OR1L8: variants seen among roughly 807,000 people sequenced by gnomAD.
OR1L8 encodes olfactory receptor family 1 subfamily L member 8.
For missense variants in OR1L8, 330 were observed against 377.4 expected (o/e 0.87, Z 1.04); for synonymous variants, 148 against 147.0 (o/e 1.01, Z -0.05).
chr9:122,572,428 G>C (rs79171347), intron 4 of OR1L8, among the ~76,000 whole-genome samples: 3,457 of 152,298 alleles, frequency 0.023, 129 homozygotes, highest in African/African-American at 0.078. Context: ...GGATGCTCCA[G>C]ACTGTAGACA....
chr9:122,582,981 G>A (rs979600553), intron 1 of OR1L8, among the ~76,000 whole-genome samples: 1 of 151,870 alleles, frequency 6.6e-6, no homozygotes, highest in African/African-American at 2.4e-5. Flanking sequence ...TTATAGCAGA[G>A]AGAGAATATA....
the OR1L8 span, among the ~76,000 whole-genome samples, chr9:122,556,282 C>CTT: frequency 0.24 from 34,035 of 144,240 alleles, 4,382 homozygotes; most frequent in Middle Eastern, 0.35. Context: ...TGTCTAGATT[C>CTT]TTTTTTTTTT....
Position 122,567,555 on chromosome 9 carries a change from C to T in OR1L8, c.923G>A (p.Arg308Lys), listed in dbSNP as rs1382954887. The T allele has an allele frequency of 6.4e-7, 1 of 1,573,708 alleles. No individual in the cohort carries two copies. The highest frequency in any genetic ancestry group is 1.4e-5 in the African/African-American group (1 of 73,080). The stretch of plus-strand genomic sequence containing the variant: ...TTTTCAAGAGGGTGCTTCCTAGGAT[C>T]TCTTGCTCATAAGCTTCCTCAGGCC... ...KQGLRKLMSK[R>K]S is the part of the protein sequence containing the mutation. Residue 308 changes from arginine to lysine, a missense_variant, in exon 5 of 5, where the codon AGA (arginine) becomes AAA (lysine). By Grantham distance (26) the Arg-to-Lys change is conservative (BLOSUM62 2). Transcript: ENST00000641027.
At chr9:122,552,584 C>T in the OR1L8 span, among the ~76,000 whole-genome samples, 10 of 152,016 alleles carry the variant, frequency 6.6e-5, no homozygotes, top group African/African-American at 9.7e-5. Context: ...GGGAGTACGA[C>T]ACCAGACACC....
chr9:122,553,879 G>T, the OR1L8 span: 1 of 1,613,814 alleles, frequency 6.2e-7, no homozygotes, highest in African/African-American at 1.3e-5. Flanking sequence ...TCCTATGTCC[G>T]CATTTTCTGG....
chr9:122,557,143 GATTTTCTGT>G, the OR1L8 span, among the ~76,000 whole-genome samples: 3 of 151,874 alleles, frequency 2.0e-5, no homozygotes, highest in African/African-American at 7.3e-5. Context: ...GGATATTTTG[GATTTTCTGT>G]AAAAATCATG....
chr9:122,579,640 G>C (rs1829714207), intron 1 of OR1L8, among the ~76,000 whole-genome samples: 1 of 152,178 alleles, frequency 6.6e-6, no homozygotes, highest in South Asian at 2.1e-4. Context: ...GTTTACATTT[G>C]AGACTGAAGG....
downstream of OR1L8, among the ~76,000 whole-genome samples, chr9:122,564,952 A>G (rs916262751): frequency 1.4e-4 from 20 of 140,822 alleles, no homozygotes; most frequent in Middle Eastern, 3.8e-3. Flanking sequence ...CATTGTGCCA[A>G]TTAGACCTAG....
the OR1L8 span, chr9:122,554,016 T>G: frequency 6.2e-7 from 1 of 1,613,882 alleles, no homozygotes; most frequent in Admixed American, 1.7e-5. Context: ...TCCATCAACT[T>G]ACTCTACAGA....
At chr9:122,573,498 A>G (rs919083748) in intron 3 of OR1L8, among the ~76,000 whole-genome samples, 2 of 152,210 alleles carry the variant, frequency 1.3e-5, no homozygotes, top group Admixed American at 1.3e-4. Flanking sequence ...AGATGACATG[A>G]GATGGAGCAT....
downstream of OR1L8, among the ~76,000 whole-genome samples, chr9:122,562,430 G>A (rs570074970): frequency 2.7e-4 from 41 of 152,334 alleles, no homozygotes; most frequent in African/African-American, 9.1e-4. Context: ...CTGTTGTTGG[G>A]ACCCTAGGCC....
At chr9:122,564,734 A>G (rs1449260721), downstream of OR1L8, among the ~76,000 whole-genome samples, 3 of 152,200 alleles carry the variant, frequency 2.0e-5, no homozygotes, top group African/African-American at 7.2e-5. Flanking sequence ...GTGTGTAGCT[A>G]TTGATCTGGC....
chr9:122,546,666 G>C, the OR1L8 span, among the ~76,000 whole-genome samples: 1 of 152,278 alleles, frequency 6.6e-6, no homozygotes, highest in Non-Finnish European at 1.5e-5. Flanking sequence ...AGGTAAATTA[G>C]AGATTTAAAT....
At chr9:122,577,770 C>G (rs1564203681) in intron 2 of OR1L8, among the ~76,000 whole-genome samples, 1 of 152,142 alleles carries the variant, frequency 6.6e-6, no homozygotes, top group African/African-American at 2.4e-5. Context: ...CCAAAGGAAA[C>G]AGTTGAAAGT....
chr9:122,550,970 CTTTG>C, the OR1L8 span, among the ~76,000 whole-genome samples: 3 of 151,744 alleles, frequency 2.0e-5, no homozygotes, highest in Admixed American at 1.3e-4. Context: ...GTCAAAGTAT[CTTTG>C]TTTGCTGATG....
chr9:122,553,452 A>T, the OR1L8 span: 1 of 1,614,036 alleles, frequency 6.2e-7, no homozygotes, highest in Non-Finnish European at 8.5e-7. Flanking sequence ...TTCTGCCTCC[A>T]TCCCCAAAAT....
the OR1L8 span, among the ~76,000 whole-genome samples, chr9:122,549,007 C>T: frequency 1.3e-5 from 2 of 151,786 alleles, no homozygotes; most frequent in African/African-American, 4.8e-5. Flanking sequence ...TCTTTGTTGC[C>T]TGTGCTTTTG....
rs779805161 is a variant in OR1L8 at position 122,568,665 on chromosome 9, C to T, written c.-188G>A. On this transcript the variant is annotated 5_prime_UTR_variant, in exon 5 of 5. Transcript: ENST00000641027. ...GGTCCTCCCTTCCCAAATCTATGGGCTCCATAAGGGCATTATATTGAAATC... is the reference window on the plus strand; with the variant it reads ...GGTCCTCCCTTCCCAAATCTATGGGTTCCATAAGGGCATTATATTGAAATC... The T allele has an allele frequency of 2.2e-4, 115 of 527,938 alleles. No homozygotes were observed. The highest frequency in any genetic ancestry group is 3.4e-4 in the Non-Finnish European group (104 of 302,232). 32.7% of individuals were successfully genotyped at this position (527,938 alleles called of 1,614,324 possible).
the OR1L8 span, among the ~76,000 whole-genome samples, chr9:122,560,658 A>G: frequency 2.6e-5 from 4 of 151,434 alleles, no homozygotes; most frequent in Non-Finnish European, 4.4e-5. Context: ...ATTGACCCCC[A>G]CTCTCTTCTG....
Sources: gnomAD v4.1 joint callset for allele counts (sites outside exome capture counted in the v4.1 genomes callset) on GRCh38, gnomAD v4.1.1 for gene constraint, MANE v1.5 for transcripts, NCBI Gene and HGNC (gene_info 2026-07-23, HGNC 2026-07-21) for gene names.